MACROD2: variants seen among roughly 807,000 people sequenced by gnomAD.
The protein encoded by MACROD2 is mono-ADP ribosylhydrolase 2.
MACROD2 carries 36 observed loss-of-function variants against 70.4 expected under a neutral mutation model. The ratio of observed to expected loss-of-function variants is 0.51; its 90% CI spans 0.39 to 0.68. The LOEUF is 0.68. Among genes scored for constraint, MACROD2 ranks in the 30% least tolerant of loss-of-function variants. MACROD2 has a pLI of 0.00. For missense variants in MACROD2, 496 were observed against 538.4 expected (o/e 0.92, Z 0.78); for synonymous variants, 172 against 178.8 (o/e 0.96, Z 0.30).
chr20:14,341,498 G>A (rs1457222044), intron 3 of MACROD2, among the ~76,000 whole-genome samples: 1 of 152,156 alleles, frequency 6.6e-6, no homozygotes, highest in Admixed American at 6.5e-5. Context: ...AGTTAGCCGG[G>A]CGTGGTGGCA....
chr20:14,172,211 T>TA (rs2081227336), intron 3 of MACROD2, among the ~76,000 whole-genome samples: 1 of 152,226 alleles, frequency 6.6e-6, no homozygotes, highest in African/African-American at 2.4e-5. Flanking sequence ...CCCTTTTACC[T>TA]TAAGTTTATG....
In MACROD2 at chr20:14,874,289, CATTTATTTATTT is replaced by C. The variant is rs150117074; in HGVS notation, c.418+189354_418+189365del. 5.3e-5 allele frequency among the ~76,000 whole-genome samples: 7 copies of C among 131,412 alleles called. No individual in the cohort carries two copies. In the South Asian group the frequency reaches 7.3e-4, roughly 14 times the overall value. 86.2% of individuals were successfully genotyped at this position (131,412 alleles called of 152,430 possible). A position where few individuals can be genotyped will look rare whatever the true frequency, so the allele number is the denominator to read the frequency against. On this transcript the variant is annotated intron_variant, in intron 5 of 17. Transcript: ENST00000684519. ...AGGAAGGCAGTATCAAATGGAGATT[CATTTATTTATTT>C]ATTTATTTATTTATTTATTTATTGA...
intron 8 of MACROD2, among the ~76,000 whole-genome samples, chr20:15,808,717 A>G (rs6135545): frequency 0.22 from 33,480 of 152,062 alleles, 3,732 homozygotes; most frequent in African/African-American, 0.24. Context: ...GTCTCAAAGT[A>G]AATAATACTA....
chr20:15,888,787 CT>C, intron 10 of MACROD2, among the ~76,000 whole-genome samples: 1 of 152,186 alleles, frequency 6.6e-6, no homozygotes, highest in East Asian at 1.9e-4. Flanking sequence ...TACCTGAGTG[CT>C]GAAATCATGG....
At chr20:14,231,011 G>T (rs1421958557) in intron 3 of MACROD2, among the ~76,000 whole-genome samples, 1 of 151,236 alleles carries the variant, frequency 6.6e-6, no homozygotes, top group Non-Finnish European at 1.5e-5. Flanking sequence ...TTTCTGAGCA[G>T]TAAGTCTCAA....
intron 6 of MACROD2, among the ~76,000 whole-genome samples, chr20:15,397,839 C>T (rs1468538302): frequency 6.6e-6 from 1 of 152,094 alleles, no homozygotes; most frequent in Non-Finnish European, 1.5e-5. Flanking sequence ...GGGGTATCTT[C>T]ACCAACTCCA....
chr20:14,247,897 T>C (rs554436588), intron 3 of MACROD2, among the ~76,000 whole-genome samples: 1 of 152,184 alleles, frequency 6.6e-6, no homozygotes, highest in Non-Finnish European at 1.5e-5. Context: ...CTGCTTCTTA[T>C]GTTTTTTCTT....
chr20:15,245,214 G>A (rs2077095082), intron 6 of MACROD2, among the ~76,000 whole-genome samples: 1 of 152,144 alleles, frequency 6.6e-6, no homozygotes, highest in African/African-American at 2.4e-5. Context: ...AATCTCAGCT[G>A]TCTTCTTTTC....
intron 5 of MACROD2, among the ~76,000 whole-genome samples, chr20:14,960,911 C>T (rs189705041): frequency 7.2e-5 from 11 of 152,254 alleles, no homozygotes; most frequent in African/African-American, 2.4e-4. Context: ...ATATATATCT[C>T]CGCTCACATT....
At chr20:15,011,858 G>A (rs2075084987) in intron 5 of MACROD2, among the ~76,000 whole-genome samples, 1 of 152,076 alleles carries the variant, frequency 6.6e-6, no homozygotes, top group Admixed American at 6.5e-5. Context: ...TTCCAACTCT[G>A]GCCTCTACCT....
chr20:14,501,988 T>C (rs1220389733), intron 4 of MACROD2, among the ~76,000 whole-genome samples: 1 of 152,212 alleles, frequency 6.6e-6, no homozygotes, highest in Non-Finnish European at 1.5e-5. Flanking sequence ...TCTACTTGCG[T>C]TAAAGGTAAA....
At chr20:15,999,788 C>A (rs531548256) in intron 15 of MACROD2, among the ~76,000 whole-genome samples, 1 of 152,270 alleles carries the variant, frequency 6.6e-6, no homozygotes, top group Non-Finnish European at 1.5e-5. Flanking sequence ...AGTATAGCCA[C>A]CTTGCTCTCT....
At chr20:14,998,608 A>G (rs2074969485) in intron 5 of MACROD2, among the ~76,000 whole-genome samples, 1 of 152,196 alleles carries the variant, frequency 6.6e-6, no homozygotes. Context: ...AATAAAAAAG[A>G]ATGAAGCACA....
chr20:14,373,437 T>TA (rs2083344598), intron 3 of MACROD2, among the ~76,000 whole-genome samples: 1 of 152,126 alleles, frequency 6.6e-6, no homozygotes, highest in Admixed American at 6.6e-5. Flanking sequence ...TATTTTTTTT[T>TA]AACGTGTGTT....
intron 5 of MACROD2, among the ~76,000 whole-genome samples, chr20:14,731,625 G>C (rs1293172461): frequency 6.6e-6 from 1 of 152,164 alleles, no homozygotes; most frequent in Admixed American, 6.5e-5. Context: ...TAAAGCACTA[G>C]TATTTAAAGT....
chr20:14,433,558 T>C (rs570432762), intron 3 of MACROD2, among the ~76,000 whole-genome samples: 87 of 152,262 alleles, frequency 5.7e-4, no homozygotes, highest in African/African-American at 1.8e-3. Flanking sequence ...TCAATCTTCA[T>C]CAGATGGAAG....
chr20:15,132,361 C>T (rs567332694), intron 5 of MACROD2, among the ~76,000 whole-genome samples: 5 of 151,872 alleles, frequency 3.3e-5, no homozygotes, highest in African/African-American at 4.8e-5. Context: ...TGAATAAAAT[C>T]GATAAAAAGT....
chr20:14,895,407 G>A (rs1240263428), intron 5 of MACROD2: 2 of 152,124 alleles, frequency 1.3e-5, no homozygotes, highest in Non-Finnish European at 2.9e-5. Context: ...GTATAGGGAT[G>A]GGGAGAAGCG....
chr20:15,033,743 A>G (rs1302741566), intron 5 of MACROD2, among the ~76,000 whole-genome samples: 4 of 152,202 alleles, frequency 2.6e-5, no homozygotes, highest in Non-Finnish European at 5.9e-5. Flanking sequence ...TGGAAATTAA[A>G]ATAAACAAAC....
Sources: gnomAD v4.1 joint callset for allele counts (sites outside exome capture counted in the v4.1 genomes callset) on GRCh38, gnomAD v4.1.1 for gene constraint, MANE v1.5 for transcripts, NCBI Gene and HGNC (gene_info 2026-07-23, HGNC 2026-07-21) for gene names.